Variants in ISLR2 observed in about 807,000 individuals in gnomAD.
ISLR2 encodes immunoglobulin superfamily containing leucine rich repeat 2, also known as immunoglobulin superfamily containing leucine-rich repeat protein 2.
A neutral mutation model predicts 25.5 loss-of-function variants in ISLR2; 16 were observed. The ratio of observed to expected loss-of-function variants is 0.63; its 90% confidence interval spans 0.43 to 0.95. ISLR2 has a LOEUF of 0.95. ISLR2 is among the 40% of genes least tolerant of loss of function. ISLR2 has a pLI of 0.00. For missense variants in ISLR2, 883 were observed against 1,030.7 expected, an observed-to-expected ratio of 0.86 and a Z score of 1.96; for synonymous variants, 508 against 486.6, an observed-to-expected ratio of 1.04 and a Z score of -0.58.
At chr15:74,113,662 G>A (rs1380458882) in intron 2 of ISLR2, among the ~76,000 whole-genome samples, 3 of 152,176 alleles carry the variant, frequency 2.0e-5, no homozygotes, top group African/African-American at 7.2e-5. Flanking sequence ...CTACATTTTA[G>A]GTTTTGTTAG....
At chr15:74,102,692 T>A (rs554266964) in intron 1 of ISLR2, among the ~76,000 whole-genome samples, 1 of 152,084 alleles carries the variant, frequency 6.6e-6, no homozygotes, top group Admixed American at 6.5e-5. Flanking sequence ...ACCACTAATG[T>A]AGGGAAATAT....
At chr15:74,120,147 A>G (rs1348009023) in intron 2 of ISLR2, among the ~76,000 whole-genome samples, 1 of 152,228 alleles carries the variant, frequency 6.6e-6, no homozygotes. Flanking sequence ...AACTTCAGCT[A>G]AAAGGTCTGA....
intron 2 of ISLR2, among the ~76,000 whole-genome samples, chr15:74,111,721 C>A (rs1320720469): frequency 6.6e-6 from 1 of 152,104 alleles, no homozygotes; most frequent in African/African-American, 2.4e-5. Context: ...CAAGCCCGTG[C>A]CACCATGCCT....
Position 74,134,046 on chromosome 15 carries a change from C to A in ISLR2, c.1292C>A (p.Thr431Asn). ...GCCAAGGTCAGCATTCTCGGGGAGACCGAGACGGAGCCGGAGGAGGACACA... is the reference window on the plus strand; with the variant it reads ...GCCAAGGTCAGCATTCTCGGGGAGAACGAGACGGAGCCGGAGGAGGACACA... ...GLAKVSILGETETEPEEDTSE... is the reference protein window; with the variant it reads ...GLAKVSILGENETEPEEDTSE... The change falls in exon 3 of 3, where the codon ACC becomes AAC. Residue 431 changes from threonine to asparagine, a missense_variant. This residue lies in a region of ISLR2 where 612 missense variants were observed against 642.8 expected (regional missense o/e 0.95). Transcript: ENST00000453268. 6.2e-7 allele frequency: 1 copy of A among 1,613,710 alleles called. No individual in the cohort carries two copies. Among genetic ancestry groups the A allele is most frequent in the Non-Finnish European group, 8.5e-7 (1 of 1,179,838 alleles).
upstream of ISLR2, chr15:74,129,038 C>T: frequency 8.8e-6 from 4 of 456,744 alleles, no homozygotes; most frequent in Non-Finnish European, 1.8e-5. The surrounding 1 kb of genome is among the most constrained non-coding windows in gnomAD (Gnocchi z 4.5). Flanking sequence ...TGCTCTCACC[C>T]CTCGACCATT....
upstream of ISLR2, chr15:74,128,963 A>T (rs924944359): frequency 4.6e-5 from 21 of 451,982 alleles, no homozygotes; most frequent in Admixed American, 5.0e-4. Context: ...TCAGGGACTC[A>T]CCCCGGGCTA....
Position 74,135,864 on chromosome 15 carries a change from T to C in ISLR2, c.*872T>C. The C allele has an allele frequency of 1.8e-5, 3 of 167,162 alleles. No homozygotes were observed. The allele number at this position is 167,162 out of a possible 1,614,324, so 10.4% of individuals were successfully genotyped here. A position where few individuals can be genotyped will look rare whatever the true frequency, so the allele number is the denominator to read the frequency against. ...ATTCGTGGCAACCCCTAGTTTTTAG[T>C]TCCAAAGCCTCCTGCCGGCAGGGAA... is the stretch of plus-strand genomic sequence containing the variant. On this transcript the variant is annotated 3_prime_UTR_variant, in exon 3 of 3. Transcript: ENST00000453268.
intron 2 of ISLR2, among the ~76,000 whole-genome samples, chr15:74,107,328 C>T (rs577481047): frequency 3.6e-4 from 55 of 152,318 alleles, no homozygotes; most frequent in African/African-American, 1.1e-3. Flanking sequence ...CCCCATTGTC[C>T]CCAGAGAGTC....
rs2072168360 is a variant in ISLR2, at chr15:74,111,592, ATT to A, written n.228+7679_228+7680del. The stretch of plus-strand genomic sequence containing the variant: ...GTGTGAGCCACCATGCCAGGCCTCT[ATT>A]CATTCATTCATTCATTCATTCATTC... On this transcript the variant is annotated intron_variant and non_coding_transcript_variant, in intron 2 of 3. Coordinates refer to the ISLR2 transcript ENST00000561975. 3.5e-5 allele frequency among the ~76,000 whole-genome samples: 3 copies of A among 86,436 alleles called. No individual in the cohort carries two copies. In the South Asian group the frequency reaches 1.1e-3, roughly 31 times the overall value. The allele number at this position is 86,436 out of a possible 152,430, so 56.7% of individuals were successfully genotyped here.
rs185594618 is a variant in ISLR2 at position 74,110,899 on chromosome 15, C to G, written n.228+6985C>G. On this transcript the variant is annotated intron_variant and non_coding_transcript_variant, in intron 2 of 3. Coordinates refer to the ISLR2 transcript ENST00000561975. Reference sequence around the variant, plus strand: ...ACTTGAATCCAGGAGGCAGAGGTTGCAGTAAGCCGAGATTGAGATCGTGCC... The same window carrying G: ...ACTTGAATCCAGGAGGCAGAGGTTGGAGTAAGCCGAGATTGAGATCGTGCC... Among the ~76,000 whole-genome samples, 507 of 152,220 alleles carry G rather than the reference C, an allele frequency of 3.3e-3. 4 individuals are homozygous for G. The highest frequency in any genetic ancestry group is 5.7e-3 in the Admixed American group (87 of 15,298).
rs566968859 is a variant in ISLR2 at position 74,134,470 on chromosome 15, C to T, written c.1716C>T (p.Gly572=). Reference sequence around the variant, plus strand: ...ACTCCGTGTGCCTGGCGCTGGCGGGCGAAGCCTGCCACGTGCAAGTGGTGT... The same window carrying T: ...ACTCCGTGTGCCTGGCGCTGGCGGGTGAAGCCTGCCACGTGCAAGTGGTGT... ...TNYSVCLALA[G]EACHVQVVFS... The change falls in exon 3 of 3, where the codon GGC becomes GGT. Residue 572 remains glycine, a synonymous_variant. Coordinates refer to ENST00000453268, the MANE Select transcript of ISLR2 (RefSeq NM_020851.3). 81 of 1,606,128 alleles carry T rather than the reference C, an allele frequency of 5.0e-5. 1 individual carries two copies. In the South Asian group the frequency reaches 7.0e-4, roughly 14 times the overall value.
At position 74,134,112 on chromosome 15, in the gene ISLR2, C is replaced by G. The variant is rs767646768; in HGVS notation, c.1358C>G (p.Pro453Arg). Reference protein sequence around the residue: ...EEAEDQILADPAEEQRCGNGD... With the variant: ...EEAEDQILADRAEEQRCGNGD... ...GCCGAAGACCAGATCCTCGCGGACC[C>G]GGCGGAGGAGCAGCGCTGTGGCAAC... Residue 453 changes from proline (P) to arginine (R), a missense_variant, in exon 3 of 3, where the codon CCG becomes CGG. Pro to Arg is a moderately radical substitution (Grantham distance 103, BLOSUM62 -2). Around this residue, in one of 2 missense-constraint regions of ISLR2, gnomAD observed 612 missense variants for 642.8 expected, o/e 0.95. Transcript: ENST00000453268. The G allele has an allele frequency of 1.9e-6, 3 of 1,613,628 alleles. No homozygotes were observed. The highest frequency in any genetic ancestry group is 2.5e-6 in the Non-Finnish European group (3 of 1,179,878).
At chr15:74,129,582 G>C (rs1202390869), upstream of ISLR2, 1 of 152,668 alleles carries the variant, frequency 6.6e-6, no homozygotes, top group Non-Finnish European at 1.5e-5. The surrounding 1 kb of genome is among the most constrained non-coding windows in gnomAD (Gnocchi z 4.5). Flanking sequence ...GGCAGCGCAG[G>C]GGGGCGGAAA....
At chr15:74,138,532 G>A (rs986320228), downstream of ISLR2, 1 of 152,496 alleles carries the variant, frequency 6.6e-6, no homozygotes, top group African/African-American at 2.4e-5. Flanking sequence ...TTAGGCAATG[G>A]GCTAATTGCC....
chr15:74,132,859 G>A lies in ISLR2; in HGVS notation c.105G>A (p.Ala35=), dbSNP rs1184553576. 1 of 1,614,094 alleles carries A rather than the reference G, an allele frequency of 6.2e-7. No individual in the cohort carries two copies. The highest frequency in any genetic ancestry group is 8.5e-7 in the Non-Finnish European group (1 of 1,179,958). The change falls in exon 3 of 3, where the codon GCG becomes GCA. Residue 35 remains alanine, a synonymous_variant. Transcript: ENST00000453268. This position sits in a 1 kb window ranked among gnomAD's most constrained non-coding sequence, Gnocchi z 4.3. The part of the protein sequence containing the change: ...ACVDKYAHQF[A]DCAYKELREV... ...TGGACAAGTACGCTCACCAGTTCGCGGACTGCGCTTACAAAGAGTTGCGTG... is the reference window on the plus strand; with the variant it reads ...TGGACAAGTACGCTCACCAGTTCGCAGACTGCGCTTACAAAGAGTTGCGTG...
upstream of ISLR2, chr15:74,128,518 G>T (rs749028176): frequency 2.2e-6 from 1 of 456,500 alleles, no homozygotes; most frequent in African/African-American, 2.0e-5. Context: ...CCTGGTCCTC[G>T]GGCCCCGAAG....
rs761179064 is a variant in ISLR2 at position 74,134,681 on chromosome 15, G to A, written c.1927G>A (p.Ala643Thr). 1.2e-6 allele frequency: 2 copies of A among 1,614,002 alleles called. No homozygotes were observed. ...APDPMEKRIAADFDPRASYLE... is the reference protein window; with the variant it reads ...APDPMEKRIATDFDPRASYLE... ...TGACCCTATGGAGAAGCGCATCGCCGCAGACTTCGACCCGCGTGCTTCGTA... is the reference window on the plus strand; with the variant it reads ...TGACCCTATGGAGAAGCGCATCGCCACAGACTTCGACCCGCGTGCTTCGTA... The change falls in exon 3 of 3, where the codon GCA becomes ACA. Residue 643 changes from alanine to threonine, a missense_variant. By Grantham distance (58) the Ala-to-Thr change is moderately conservative (BLOSUM62 0). Coordinates refer to ENST00000453268, the MANE Select transcript of ISLR2 (RefSeq NM_020851.3).
chr15:74,134,599 T>A lies in ISLR2; in HGVS notation c.1845T>A (p.His615Gln). The A allele has an allele frequency of 6.2e-7, 1 of 1,614,010 alleles. No individual in the cohort carries two copies. Among genetic ancestry groups the A allele is most frequent in the South Asian group, 1.1e-5 (1 of 91,082 alleles). Reference protein sequence around the residue: ...TVPLLGAACCHLLAKHPGKPY... With the variant: ...TVPLLGAACCQLLAKHPGKPY... ...CCCTTCTGGGCGCCGCCTGCTGCCA[T>A]CTGCTGGCTAAACACCCGGGCAAGC... Residue 615 changes from histidine (H) to glutamine (Q), a missense_variant, in exon 3 of 3, where the codon CAT (histidine) becomes CAA (glutamine). Around this residue, in one of 2 missense-constraint regions of ISLR2, gnomAD observed 612 missense variants for 642.8 expected, o/e 0.95. Transcript: ENST00000453268.
intron 2 of ISLR2, among the ~76,000 whole-genome samples, chr15:74,106,465 C>T (rs1297244662): frequency 6.6e-6 from 1 of 152,150 alleles, no homozygotes; most frequent in Non-Finnish European, 1.5e-5. Context: ...TCATGCTCTC[C>T]AGCCCACAGG....
Sources: allele counts gnomAD v4.1 joint callset (sites outside exome capture counted in the v4.1 genomes callset), GRCh38; gene constraint gnomAD v4.1.1; regional missense constraint gnomAD v4.1.1; non-coding constraint Gnocchi (gnomAD v3.1); transcripts MANE v1.5; gene names NCBI Gene and HGNC (gene_info 2026-07-23, HGNC 2026-07-21).